NAPB: variants seen among roughly 807,000 people sequenced by gnomAD.
NAPB encodes beta-soluble NSF attachment protein.
In NAPB, 26 loss-of-function variants were observed where a neutral mutation model predicts 44.7. That is an observed-to-expected ratio of 0.58 (90% CI 0.43 to 0.81). The LOEUF is 0.81. Among genes scored for constraint, NAPB ranks in the 30% least tolerant of loss-of-function variants. The pLI is 0.00. For synonymous variants in NAPB, 120 were observed against 116.8 expected (o/e 1.03, Z -0.18); for missense variants, 315 against 356.4 (o/e 0.88, Z 0.94).
At chr20:23,420,926 T>C (rs1479494410) in intron 1 of NAPB, among the ~76,000 whole-genome samples, 1 of 144,754 alleles carries the variant, frequency 6.9e-6, no homozygotes, top group Non-Finnish European at 1.5e-5. Flanking sequence ...CTGGGGATTC[T>C]AAGGGGGCGT....
chr20:23,395,221 T>C (rs1264740556), intron 3 of NAPB, 36 bp from the exon 4 acceptor site: 1 of 1,610,972 alleles, frequency 6.2e-7, no homozygotes, highest in Non-Finnish European at 8.5e-7. Flanking sequence ...CAATGAAAAA[T>C]CCATTCAGTC....
chr20:23,406,264 C>T (rs1255869551), intron 1 of NAPB, among the ~76,000 whole-genome samples: 1 of 152,100 alleles, frequency 6.6e-6, no homozygotes, highest in Non-Finnish European at 1.5e-5. Flanking sequence ...CAGGCAAAGA[C>T]ATCTAGAGGT....
chr20:23,383,884 C>T (rs116930310), intron 7 of NAPB, among the ~76,000 whole-genome samples: 2,093 of 152,134 alleles, frequency 0.014, 52 homozygotes, highest in East Asian at 0.094. Context: ...AACATTAAGA[C>T]AACTATATAT....
intron 6 of NAPB, 62 bp from the exon 7 acceptor site, chr20:23,390,092 T>C: frequency 1.3e-6 from 2 of 1,489,106 alleles, no homozygotes; most frequent in East Asian, 2.3e-5. Flanking sequence ...AGATGTGCAC[T>C]GGGCCTCAGT....
chr20:23,411,156 C>CT (rs1395207835), intron 1 of NAPB, among the ~76,000 whole-genome samples: 1 of 152,158 alleles, frequency 6.6e-6, no homozygotes, highest in Non-Finnish European at 1.5e-5. Flanking sequence ...TTTTCACAAT[C>CT]TGAGAAAATT....
At chr20:23,386,495 C>G (rs1983529807) in intron 7 of NAPB, among the ~76,000 whole-genome samples, 1 of 152,194 alleles carries the variant, frequency 6.6e-6, no homozygotes, top group African/African-American at 2.4e-5. Context: ...CACAAGAAAA[C>G]TAACGATCAA....
intron 1 of NAPB, among the ~76,000 whole-genome samples, chr20:23,420,540 G>A (rs930243990): frequency 6.6e-6 from 1 of 152,070 alleles, no homozygotes; most frequent in South Asian, 2.1e-4. Flanking sequence ...CGTTCCAGGC[G>A]CCGGGGGCGG....
chr20:23,415,437 T>C (rs1985934667), intron 1 of NAPB, among the ~76,000 whole-genome samples: 1 of 151,830 alleles, frequency 6.6e-6, no homozygotes, highest in Non-Finnish European at 1.5e-5. Context: ...CTACTAAAAA[T>C]ACAAAAATTA....
chr20:23,416,856 G>A (rs1469960082), intron 1 of NAPB, among the ~76,000 whole-genome samples: 1 of 152,132 alleles, frequency 6.6e-6, no homozygotes, highest in Non-Finnish European at 1.5e-5. Context: ...AAACACAAGT[G>A]AAGAATACTG....
intron 1 of NAPB, among the ~76,000 whole-genome samples, chr20:23,411,799 G>C (rs909990978): frequency 4.0e-5 from 6 of 151,876 alleles, no homozygotes; most frequent in African/African-American, 1.5e-4. Context: ...GTAACCAGTA[G>C]AACAAAATTA....
At position 23,381,310 on chromosome 20, in the gene NAPB, G is replaced by C; in HGVS notation, c.569C>G (p.Ala190Gly). 1 of 1,576,540 alleles carries C rather than the reference G, an allele frequency of 6.3e-7. No homozygotes were observed. The highest frequency in any genetic ancestry group is 8.6e-7 in the Non-Finnish European group (1 of 1,159,930). Residue 190 changes from alanine (A) to glycine (G), a missense_variant, in exon 8 of 11, where the codon GCA (alanine) becomes GGA (glycine). By Grantham distance (60) the Ala-to-Gly change is moderately conservative. Around this residue, in one of 3 missense-constraint regions of NAPB, gnomAD observed 120 missense variants for 130.5 expected, o/e 0.92. Transcript: ENST00000377026. ...CAACAAAGGATTATCCATTGTGTTTGCCCCAACCTAGGCACAGAACGCAGA... is the reference window on the plus strand; with the variant it reads ...CAACAAAGGATTATCCATTGTGTTTCCCCCAACCTAGGCACAGAACGCAGA... Reference protein sequence around the residue: ...KAIEIYEQVGANTMDNPLLKY... With the variant: ...KAIEIYEQVGGNTMDNPLLKY...
chr20:23,403,850 T>G (rs16985337), intron 1 of NAPB, among the ~76,000 whole-genome samples: 13,841 of 152,224 alleles, frequency 0.091, 1,023 homozygotes, highest in African/African-American at 0.21. Flanking sequence ...AGCCACGTCT[T>G]ATGAGAAAGT....
intron 5 of NAPB, 84 bp downstream of exon 5, chr20:23,394,838 T>C (rs1984232249): frequency 7.3e-7 from 1 of 1,367,202 alleles, no homozygotes. Flanking sequence ...ACACCTACGA[T>C]CACTCTCAGA....
At chr20:23,415,719 TGGGAGGCTGAGGTCAGCAGAGCAG>T (rs1299920379) in intron 1 of NAPB, among the ~76,000 whole-genome samples, 1 of 152,208 alleles carries the variant, frequency 6.6e-6, no homozygotes, top group Admixed American at 6.5e-5. Context: ...CGCAGCACTT[TGGGAGGCTGAGGTCAGCAGAGCAG>T]ATCGCTTGAG....
intron 3 of NAPB, among the ~76,000 whole-genome samples, chr20:23,395,737 T>C (rs1008988417): frequency 1.3e-5 from 2 of 152,214 alleles, no homozygotes; most frequent in African/African-American, 4.8e-5. Context: ...TGTAGCATAC[T>C]AACAAAATGA....
chr20:23,395,546 C>T (rs1228382086), intron 3 of NAPB, among the ~76,000 whole-genome samples: 1 of 152,188 alleles, frequency 6.6e-6, no homozygotes, highest in African/African-American at 2.4e-5. Context: ...TGAATGCAAA[C>T]ATATTCCTCA....
chr20:23,417,411 C>A (rs1306368445), intron 1 of NAPB, among the ~76,000 whole-genome samples: 1 of 152,190 alleles, frequency 6.6e-6, no homozygotes, highest in Non-Finnish European at 1.5e-5. Context: ...GCACTTTCTT[C>A]TATGTGCATT....
At chr20:23,394,807 A>G (rs1228034600) in intron 5 of NAPB, 115 bp downstream of exon 5, 10 of 1,009,622 alleles carry the variant, frequency 9.9e-6, no homozygotes, top group Non-Finnish European at 1.5e-5. Flanking sequence ...GTCTCCAGGC[A>G]AGGCCATCTA....
intron 2 of NAPB, among the ~76,000 whole-genome samples, chr20:23,402,127 C>T (rs1984899614): frequency 6.6e-6 from 1 of 152,130 alleles, no homozygotes; most frequent in South Asian, 2.1e-4. Flanking sequence ...CCAGAAGAGA[C>T]CTTTTAGAAT....
Sources: gnomAD v4.1 joint callset for allele counts (sites outside exome capture counted in the v4.1 genomes callset) on GRCh38, gnomAD v4.1.1 for gene constraint, gnomAD v4.1.1 regional missense constraint, MANE v1.5 for transcripts, NCBI Gene and HGNC (gene_info 2026-07-23, HGNC 2026-07-21) for gene names.